COL26A1: variants seen among roughly 807,000 people sequenced by gnomAD.
COL26A1 encodes collagen type XXVI alpha 1 chain, also known as collagen alpha-1(XXVI) chain.
Under a neutral mutation model 59.3 loss-of-function variants are expected in COL26A1, and 41 were observed. The observed-to-expected ratio is 0.69, with a 90% CI of 0.54 to 0.90. The LOEUF is 0.90. Ranked by LOEUF, COL26A1 falls within the 40% of genes least tolerant of loss-of-function variation. COL26A1 has a pLI of 0.00. For synonymous variants in COL26A1, 266 were observed against 256.0 expected, an observed-to-expected ratio of 1.04 and a Z score of -0.37; for missense variants, 612 against 602.3, an observed-to-expected ratio of 1.02 and a Z score of -0.17.
At chr7:101,517,492 C>T (rs563161039) in intron 3 of COL26A1, among the ~76,000 whole-genome samples, 45 of 152,290 alleles carry the variant, frequency 3.0e-4, no homozygotes, top group Non-Finnish European at 5.6e-4. Context: ...TCCCCAGCCA[C>T]GAGAGAGCTT....
chr7:101,370,522 C>T (rs1584346475), intron 1 of COL26A1, among the ~76,000 whole-genome samples: 1 of 152,040 alleles, frequency 6.6e-6, no homozygotes, highest in East Asian at 1.9e-4. Flanking sequence ...AGGCATGCAC[C>T]ACCATGCCTG....
intron 3 of COL26A1, among the ~76,000 whole-genome samples, chr7:101,523,614 C>G (rs1013919858): frequency 2.6e-5 from 4 of 152,076 alleles, no homozygotes; most frequent in African/African-American, 9.7e-5. Flanking sequence ...ATCCAATTGA[C>G]CAGCACCATT....
At chr7:101,540,665 C>T (rs1795596088) in intron 5 of COL26A1, among the ~76,000 whole-genome samples, 1 of 151,996 alleles carries the variant, frequency 6.6e-6, no homozygotes, top group African/African-American at 2.4e-5. Flanking sequence ...CCAACCTGGG[C>T]AACATGGTAA....
chr7:101,379,551 G>A (rs976634043), intron 1 of COL26A1, among the ~76,000 whole-genome samples: 10 of 152,154 alleles, frequency 6.6e-5, no homozygotes, highest in African/African-American at 2.4e-4. Context: ...CCCTGCCTTT[G>A]TCAGAGGTGC....
chr7:101,404,402 G>A (rs1384795451), intron 1 of COL26A1, among the ~76,000 whole-genome samples: 1 of 152,142 alleles, frequency 6.6e-6, no homozygotes, highest in Non-Finnish European at 1.5e-5. Flanking sequence ...GAGACCGGGA[G>A]ACACTTGGTG....
At chr7:101,539,812 A>C (rs562881613) in intron 4 of COL26A1, 81 bp from the exon 5 acceptor site, 4 of 1,406,606 alleles carry the variant, frequency 2.8e-6, no homozygotes, top group South Asian at 2.7e-5. Context: ...CATGGGGTGC[A>C]CATGCATGTC....
At chr7:101,383,567 C>T (rs1349761155) in intron 1 of COL26A1, among the ~76,000 whole-genome samples, 1 of 150,938 alleles carries the variant, frequency 6.6e-6, no homozygotes, top group Non-Finnish European at 1.5e-5. Flanking sequence ...CAGAGTCTCG[C>T]TCTGTTGCCC....
chr7:101,512,684 C>T (rs6954768), intron 3 of COL26A1, among the ~76,000 whole-genome samples: 27,081 of 152,096 alleles, frequency 0.18, 2,570 homozygotes, highest in African/African-American at 0.25. Context: ...TCTGTGACCA[C>T]CAAATATTCA....
At position 101,418,924 on chromosome 7, in the gene COL26A1, C is replaced by T. The variant is rs114140803; in HGVS notation, c.159-1053C>T. Reference sequence around the variant, plus strand: ...CTCTGAAGGCATTTATTCCCTAGCCCGGCAGGTCACATGTCTCTTCCTTTC... The same window carrying T: ...CTCTGAAGGCATTTATTCCCTAGCCTGGCAGGTCACATGTCTCTTCCTTTC... On this transcript the variant is annotated intron_variant, in intron 1 of 12. Coordinates refer to ENST00000313669, the MANE Select transcript of COL26A1 (RefSeq NM_001278563.3). 5.0e-3 allele frequency among the ~76,000 whole-genome samples: 758 copies of T among 152,080 alleles called. 9 individuals carry two copies. The highest frequency in any genetic ancestry group is 0.018 in the African/African-American group (729 of 41,500).
At chr7:101,481,676 C>T (rs1030140765) in intron 3 of COL26A1, among the ~76,000 whole-genome samples, 5 of 151,754 alleles carry the variant, frequency 3.3e-5, no homozygotes, top group African/African-American at 1.2e-4. Context: ...GACTTGACCT[C>T]CTGGCCTCAA....
At chr7:101,503,215 A>G (rs1254306931) in intron 3 of COL26A1, among the ~76,000 whole-genome samples, 1 of 152,170 alleles carries the variant, frequency 6.6e-6, no homozygotes, top group Admixed American at 6.5e-5. Context: ...GTTCTCTAAC[A>G]ATGCATGGTG....
intron 2 of COL26A1, among the ~76,000 whole-genome samples, chr7:101,425,876 G>T (rs1169046480): frequency 6.6e-6 from 1 of 150,708 alleles, no homozygotes; most frequent in Non-Finnish European, 1.5e-5. Flanking sequence ...ACCCAGGCTG[G>T]AGTGCGGTGG....
chr7:101,430,788 G>A (rs759383207), intron 2 of COL26A1, among the ~76,000 whole-genome samples: 1 of 151,434 alleles, frequency 6.6e-6, no homozygotes, highest in Non-Finnish European at 1.5e-5. Flanking sequence ...CTTTTGATCT[G>A]TATGCCTTTT....
chr7:101,429,826 G>C (rs1018423395), intron 2 of COL26A1, among the ~76,000 whole-genome samples: 2 of 151,764 alleles, frequency 1.3e-5, no homozygotes, highest in Non-Finnish European at 2.9e-5. Flanking sequence ...TCAAACTCCT[G>C]GCCTCAAGCA....
At chr7:101,538,204 A>G (rs1256889695) in intron 4 of COL26A1, among the ~76,000 whole-genome samples, 2 of 152,238 alleles carry the variant, frequency 1.3e-5, no homozygotes, top group East Asian at 1.9e-4. Context: ...GTGGCCCGTC[A>G]GCTTCTTCAG....
chr7:101,557,580 A>G lies in COL26A1; in HGVS notation c.*50A>G, dbSNP rs780928193. ...GTCCTGGCTAGAGACCCAGCCCCAGAGGCCTGAGCCGCCGCTGTTTCCTAA... is the reference window on the plus strand; with the variant it reads ...GTCCTGGCTAGAGACCCAGCCCCAGGGGCCTGAGCCGCCGCTGTTTCCTAA... On this transcript the variant is annotated 3_prime_UTR_variant, in exon 13 of 13. Transcript: ENST00000313669. The G allele has an allele frequency of 5.2e-6, 8 of 1,536,074 alleles. No homozygotes were observed. Among genetic ancestry groups the G allele is most frequent in the Middle Eastern group, 1.9e-4 (1 of 5,180 alleles).
chr7:101,476,094 C>G lies in COL26A1; in HGVS notation c.385+28307C>G, dbSNP rs996510666. Among the ~76,000 whole-genome samples the G allele has an allele frequency of 1.6e-4, 24 of 151,400 alleles. 1 individual carries two copies. The highest frequency in any genetic ancestry group is 1.6e-3 in the Admixed American group (24 of 15,150). ...GGTTCAAGTGATTCTTGTGCCTCAG[C>G]CTCTTGAGTAGCTGGGATTACAGGT... On this transcript the variant is annotated intron_variant, in intron 3 of 12. Coordinates refer to ENST00000313669, the MANE Select transcript of COL26A1 (RefSeq NM_001278563.3).
intron 1 of COL26A1, among the ~76,000 whole-genome samples, chr7:101,419,095 C>T (rs1792448222): frequency 1.6e-5 from 2 of 127,376 alleles, no homozygotes; most frequent in Non-Finnish European, 3.4e-5. Context: ...CCTCCCCTCC[C>T]CTCCCCTCCC....
intron 3 of COL26A1, among the ~76,000 whole-genome samples, chr7:101,450,966 ATAT>A (rs1584418372): frequency 7.0e-6 from 1 of 143,626 alleles, no homozygotes. Flanking sequence ...TTGATAATAA[ATAT>A]TATCAAATAA....
Sources: allele counts gnomAD v4.1 joint callset (sites outside exome capture counted in the v4.1 genomes callset), GRCh38; gene constraint gnomAD v4.1.1; transcripts MANE v1.5; gene names NCBI Gene and HGNC (gene_info 2026-07-23, HGNC 2026-07-21).